The following SI variants were observed in gnomAD, a reference collection of about 807,000 sequenced individuals.
SI encodes the protein sucrase-isomaltase, intestinal.
SI carries 235 observed loss-of-function variants against 253.3 expected under a neutral mutation model. The ratio of observed to expected loss-of-function variants is 0.93; its 90% CI spans 0.83 to 1.03. The LOEUF (loss-of-function observed/expected upper bound fraction) is 1.03, where lower values mean the gene tolerates loss of function less well. Among genes scored for constraint, SI ranks in the 50% least tolerant of loss-of-function variants. SI has a pLI of 0.00. For missense variants in SI, 2,442 were observed against 2,211.1 expected (o/e 1.10, Z -2.09); for synonymous variants, 819 against 712.0 (o/e 1.15, Z -2.39).
chr3:165,030,910 CACAA>C (rs749862315), intron 24 of SI, 43 bp from the exon 25 acceptor site: 29 of 1,409,806 alleles, frequency 2.1e-5, no homozygotes, highest in Middle Eastern at 5.3e-4. Context: ...AAAAAAAAAA[CACAA>C]ACAAACAAAA....
chr3:165,028,553 T>C (rs1049901275), intron 25 of SI, among the ~76,000 whole-genome samples: 1 of 151,274 alleles, frequency 6.6e-6, no homozygotes, highest in Non-Finnish European at 1.5e-5. Flanking sequence ...TATAAAGCCA[T>C]AGTCACCAAA....
chr3:164,998,753 A>T, intron 37 of SI, 80 bp from the exon 38 acceptor site: 1 of 1,195,222 alleles, frequency 8.4e-7, no homozygotes. Context: ...TACTTTGTAA[A>T]AAAAAATAGT....
chr3:165,059,014 T>G lies in SI; in HGVS notation c.1347A>C (p.Thr449=). ...CTGACTCATTTATCCACACATGTTG[T>G]GTGTTTCCCCTCTCATAGGTTGCAT... is the stretch of plus-strand genomic sequence containing the variant. ...TTYATYERGN[T]QHVWINESDG... is the part of the protein sequence containing the mutation. Residue 449 remains threonine (T), a synonymous_variant, in exon 12 of 48, where the codon ACA becomes ACC. Coordinates refer to ENST00000264382, the MANE Select transcript of SI (RefSeq NM_001041.4). 6.2e-7 allele frequency: 1 copy of G among 1,612,448 alleles called. No homozygotes were observed. The highest frequency in any genetic ancestry group is 8.5e-7 in the Non-Finnish European group (1 of 1,179,000).
Position 165,030,706 on chromosome 3 carries a change from T to G in SI, c.2892+6A>C. The G allele has an allele frequency of 6.2e-7, 1 of 1,607,152 alleles. No homozygotes were observed. Among genetic ancestry groups the G allele is most frequent in the East Asian group, 2.2e-5 (1 of 44,658 alleles). ...TATCATGAGTAATAGTTAAAATTAT[T>G]ATTACCGTTCTCCATACACAGCCAC... is the stretch of plus-strand genomic sequence containing the variant. On this transcript the variant is annotated splice_donor_region_variant and intron_variant, in intron 25 of 47. Coordinates refer to ENST00000264382, the MANE Select transcript of SI (RefSeq NM_001041.4).
chr3:165,053,551 T>C (rs912257677), intron 13 of SI, among the ~76,000 whole-genome samples: 8 of 152,306 alleles, frequency 5.3e-5, no homozygotes, highest in Middle Eastern at 3.4e-3. Context: ...TCTTTGAAAT[T>C]ATACTGCTTC....
chr3:165,038,631 T>C (rs1712663236), intron 20 of SI, among the ~76,000 whole-genome samples: 1 of 151,936 alleles, frequency 6.6e-6, no homozygotes, highest in Non-Finnish European at 1.5e-5. Flanking sequence ...ATTTGAGTGC[T>C]GTTATTTTGC....
rs1718781674 is a variant in SI at position 165,011,767 on chromosome 3, T to TTTATTATTTATTA, written c.4062+1200_4062+1212dup. ...ATTTATTCATTATTGTTATTATTTA[T>TTTATTATTTATTA]TTATTATTTATTATTATTATTTATT... On this transcript the variant is annotated intron_variant, in intron 34 of 47. Coordinates refer to ENST00000264382, the MANE Select transcript of SI (RefSeq NM_001041.4). Among the ~76,000 whole-genome samples, 17 of 148,692 alleles carry TTTATTATTTATTA rather than the reference T, an allele frequency of 1.1e-4. No homozygotes were observed. The Admixed American group carries it at 1.1e-3, about 10-fold the overall frequency.
intron 34 of SI, among the ~76,000 whole-genome samples, chr3:165,011,304 T>C (rs61167946): frequency 0.059 from 9,016 of 152,158 alleles, 876 homozygotes; most frequent in African/African-American, 0.21. Flanking sequence ...TAAGTTGTAT[T>C]TTTATTTTTG....
intron 44 of SI, among the ~76,000 whole-genome samples, chr3:164,990,250 AGG>A (rs1389270274): frequency 6.6e-6 from 1 of 152,156 alleles, no homozygotes; most frequent in Non-Finnish European, 1.5e-5. Context: ...TTTGAAAAAC[AGG>A]TTAATAAATA....
At chr3:164,981,435 A>G (rs2108106835) in intron 47 of SI, among the ~76,000 whole-genome samples, 1 of 152,170 alleles carries the variant, frequency 6.6e-6, no homozygotes, top group Admixed American at 6.6e-5. Context: ...TTTTAGGTTC[A>G]AGTTAGTCGA....
At chr3:165,072,424 A>AC (rs1298810488) in intron 3 of SI, among the ~76,000 whole-genome samples, 1 of 151,458 alleles carries the variant, frequency 6.6e-6, no homozygotes, top group African/African-American at 2.4e-5. Flanking sequence ...AACAACAACA[A>AC]CAACAAAAAA....
At chr3:165,013,078 CAT>C (rs1559988981) in intron 33 of SI, 36 bp from the exon 34 acceptor site, 2 of 1,297,052 alleles carry the variant, frequency 1.5e-6, no homozygotes, top group Admixed American at 3.4e-5. Flanking sequence ...CTGATCAAAA[CAT>C]AGTCAGCATG....
chr3:165,020,873 A>T (rs753704884), intron 27 of SI, among the ~76,000 whole-genome samples: 1 of 151,714 alleles, frequency 6.6e-6, no homozygotes, highest in Non-Finnish European at 1.5e-5. Context: ...CTATTTCAAC[A>T]GTTTCAATAA....
chr3:165,032,153 G>A (rs184397160), intron 24 of SI, among the ~76,000 whole-genome samples: 2 of 151,362 alleles, frequency 1.3e-5, no homozygotes, highest in Middle Eastern at 3.4e-3. Context: ...ATTTGTTAAA[G>A]AGTCTAAAGC....
At chr3:165,050,210 T>C (rs1310683848) in intron 13 of SI, among the ~76,000 whole-genome samples, 1 of 152,176 alleles carries the variant, frequency 6.6e-6, no homozygotes, top group African/African-American at 2.4e-5. Context: ...TCCTTGCATA[T>C]TCATTGATTC....
At chr3:164,994,441 G>A (rs999800437) in intron 40 of SI, 36 bp from the exon 41 acceptor site, 21 of 1,604,054 alleles carry the variant, frequency 1.3e-5, no homozygotes, top group Admixed American at 3.4e-5. Context: ...TATAAGCTTT[G>A]GTCCTTGTTT....
chr3:165,009,655 T>C (rs76393796), intron 34 of SI, among the ~76,000 whole-genome samples: 18,362 of 152,180 alleles, frequency 0.12, 1,180 homozygotes, highest in South Asian at 0.16. Context: ...CACAAAAGCA[T>C]TATTTTTAGT....
chr3:165,053,087 C>T (rs1163403171), intron 13 of SI, among the ~76,000 whole-genome samples: 1 of 151,600 alleles, frequency 6.6e-6, no homozygotes, highest in African/African-American at 2.4e-5. Flanking sequence ...TTGACTAACA[C>T]TTTTGTTTTG....
rs201612742 is a variant in SI, at chr3:165,076,008, G to T, written c.5C>A (p.Ala2Glu). The T allele has an allele frequency of 8.4e-5, 132 of 1,571,894 alleles. No homozygotes were observed. Among genetic ancestry groups the T allele is most frequent in the Non-Finnish European group, 9.9e-5 (114 of 1,148,102 alleles). The change falls in exon 2 of 48, where the codon GCA (alanine) becomes GAA (glutamate). Residue 2 changes from alanine (A) to glutamate (E), a missense_variant. Transcript: ENST00000264382. Reference protein sequence around the residue: MARKKFSGLEIS... With the variant: MERKKFSGLEIS... ...TTCCAATCCACTAAATTTCTTTCTT[G>T]CCATCTAAAAACAGAAAAGAATATA...
Sources: allele counts gnomAD v4.1 joint callset (sites outside exome capture counted in the v4.1 genomes callset), GRCh38; gene constraint gnomAD v4.1.1; transcripts MANE v1.5; gene names NCBI Gene and HGNC (gene_info 2026-07-23, HGNC 2026-07-21).